The following EDA variants were observed in gnomAD, a reference collection of about 807,000 sequenced individuals.
The protein encoded by EDA is ectodysplasin A, also known as ectodysplasin-A.
In EDA, 2 loss-of-function variants were observed where a neutral mutation model predicts 23.6. The ratio of observed to expected loss-of-function variants is 0.08; its 90% confidence interval spans 0.03 to 0.27. EDA has a LOEUF of 0.27. Among genes scored for constraint, EDA ranks in the 10% least tolerant of loss-of-function variants. EDA has a pLI of 1.00. For missense variants in EDA, 229 were observed against 324.2 expected, an observed-to-expected ratio of 0.71 and a Z score of 2.26; for synonymous variants, 131 against 132.0, an observed-to-expected ratio of 0.99 and a Z score of 0.05.
At chrX:69,905,482 C>A (rs2018163608) in intron 1 of EDA, among the ~76,000 whole-genome samples, 2 of 110,745 alleles carry the variant, frequency 1.8e-5, no homozygotes, top group African/African-American at 6.6e-5. Context: ...AATCTCCTGG[C>A]CTTTTCTACT....
intron 1 of EDA, among the ~76,000 whole-genome samples, chrX:69,847,052 T>C (rs1240712916): frequency 8.9e-6 from 1 of 111,996 alleles, no homozygotes; most frequent in Non-Finnish European, 1.9e-5. Flanking sequence ...AGTTGATTGA[T>C]AAAAGAATCA....
intron 7 of EDA, 50 bp from the exon 8 acceptor site, chrX:70,035,308 A>T: frequency 8.5e-7 from 1 of 1,181,343 alleles, no homozygotes. Flanking sequence ...AGGGCCCCCC[A>T]CCCTCTCTTT....
intron 1 of EDA, among the ~76,000 whole-genome samples, chrX:69,714,137 T>A (rs1248299288): frequency 9.0e-6 from 1 of 111,063 alleles, no homozygotes; most frequent in Admixed American, 9.6e-5. Context: ...TGTATCATAG[T>A]AATTTTAATT....
intron 1 of EDA, among the ~76,000 whole-genome samples, chrX:69,623,400 T>A (rs760437564): frequency 9.0e-6 from 1 of 111,658 alleles, no homozygotes; most frequent in Admixed American, 9.5e-5. Context: ...ATAAATGCAC[T>A]TCCTTGGACC....
At chrX:69,827,645 A>T (rs1174756898) in intron 1 of EDA, among the ~76,000 whole-genome samples, 1 of 111,514 alleles carries the variant, frequency 9.0e-6, no homozygotes, top group African/African-American at 3.3e-5. Context: ...TTTGGTTTGA[A>T]TTTCCTCCCG....
chrX:69,786,094 G>A (rs1212934598), intron 1 of EDA, among the ~76,000 whole-genome samples: 1 of 108,538 alleles, frequency 9.2e-6, no homozygotes, highest in East Asian at 2.8e-4. Context: ...GGTGTTTATA[G>A]TATTCTCTGA....
intron 2 of EDA, among the ~76,000 whole-genome samples, chrX:70,013,557 C>G (rs1162764402): frequency 1.8e-5 from 2 of 110,986 alleles, no homozygotes; most frequent in Non-Finnish European, 3.8e-5. Flanking sequence ...TTTACTTATA[C>G]TTCCAGCACA....
chrX:69,764,234 C>CTTTTTTTTTTTTTT lies in EDA; in HGVS notation c.396+147543_396+147556dup, dbSNP rs1189179243. ...CTACCACTCCCATTCATTTTTTATT[C>CTTTTTTTTTTTTTT]TTTTTTTTTTTTTTTTTTTTTTTTT... On this transcript the variant is annotated intron_variant, in intron 1 of 7. Transcript: ENST00000374552. Among the ~76,000 whole-genome samples, 283 of 44,526 alleles carry CTTTTTTTTTTTTTT rather than the reference C, an allele frequency of 6.4e-3. 41 individuals carry two copies. Among genetic ancestry groups the CTTTTTTTTTTTTTT allele is most frequent in the East Asian group, 0.02 (22 of 1,095 alleles). The allele number at this position is 44,526 out of a possible 115,157, so 38.7% of individuals were successfully genotyped here.
At chrX:69,869,426 G>A (rs1047911630) in intron 1 of EDA, among the ~76,000 whole-genome samples, 3 of 111,044 alleles carry the variant, frequency 2.7e-5, no homozygotes, top group East Asian at 2.8e-4. Context: ...GTAAAAGGCC[G>A]GAGGTCTCCT....
intron 1 of EDA, among the ~76,000 whole-genome samples, chrX:69,833,351 C>A (rs764551641): frequency 1.8e-5 from 2 of 111,436 alleles, no homozygotes; most frequent in Non-Finnish European, 3.8e-5. Context: ...TATTGATTTG[C>A]GTATGTTGAA....
chrX:69,968,307 C>T (rs779568570), intron 2 of EDA, among the ~76,000 whole-genome samples: 6 of 111,533 alleles, frequency 5.4e-5, no homozygotes, highest in African/African-American at 1.6e-4. Flanking sequence ...GCATATATGA[C>T]GAATTAGGTG....
chrX:69,883,179 A>G (rs1285089698), intron 1 of EDA, among the ~76,000 whole-genome samples: 2 of 112,101 alleles, frequency 1.8e-5, no homozygotes, highest in African/African-American at 3.2e-5. Context: ...AGCCTATAAC[A>G]TATCTCCTCA....
intron 1 of EDA, among the ~76,000 whole-genome samples, chrX:69,956,175 A>G (rs775201348): frequency 9.0e-6 from 1 of 111,464 alleles, no homozygotes; most frequent in Non-Finnish European, 1.9e-5. Flanking sequence ...GATGCACAGC[A>G]TTTTGGGAAC....
intron 1 of EDA, among the ~76,000 whole-genome samples, chrX:69,770,479 A>G (rs1355024860): frequency 8.9e-6 from 1 of 111,978 alleles, no homozygotes; most frequent in East Asian, 2.8e-4. Flanking sequence ...GCATTTTCTA[A>G]TGGCTAATGT....
chrX:69,835,194 G>T (rs978969888), intron 1 of EDA, among the ~76,000 whole-genome samples: 17 of 99,607 alleles, frequency 1.7e-4, no homozygotes, highest in African/African-American at 5.8e-4. Flanking sequence ...ATGTGCCTTG[G>T]GGTTGCTCTT....
At chrX:69,889,409 C>A (rs1176335341) in intron 1 of EDA, among the ~76,000 whole-genome samples, 2 of 111,103 alleles carry the variant, frequency 1.8e-5, no homozygotes, top group Non-Finnish European at 3.8e-5. Context: ...CTTGGCCCCC[C>A]AAAGTGCTGG....
intron 1 of EDA, among the ~76,000 whole-genome samples, chrX:69,799,071 G>T (rs772132350): frequency 2.5e-4 from 28 of 111,284 alleles, no homozygotes; most frequent in Non-Finnish European, 4.7e-4. Context: ...TTCAACAAGT[G>T]TGCCAAGAAT....
At chrX:69,757,470 G>A (rs2014159775) in intron 1 of EDA, among the ~76,000 whole-genome samples, 1 of 112,048 alleles carries the variant, frequency 8.9e-6, no homozygotes, top group Admixed American at 9.5e-5. Flanking sequence ...CATTAAGTCA[G>A]CTTAATGTAT....
intron 5 of EDA, 61 bp from the exon 6 acceptor site, chrX:70,030,408 G>C: frequency 1.0e-6 from 1 of 997,777 alleles, no homozygotes; most frequent in South Asian, 2.0e-5. Flanking sequence ...ACATGGGACT[G>C]GTGGCTGAGC....
Sources: allele counts gnomAD v4.1 joint callset (sites outside exome capture counted in the v4.1 genomes callset), GRCh38; gene constraint gnomAD v4.1.1; transcripts MANE v1.5; gene names NCBI Gene and HGNC (gene_info 2026-07-23, HGNC 2026-07-21).